The following GBF1 variants were observed in gnomAD, a reference collection of about 807,000 sequenced individuals.
GBF1 encodes the protein Golgi-specific brefeldin A-resistance guanine nucleotide exchange factor 1.
GBF1 carries 114 observed loss-of-function variants against 210.5 expected under a neutral mutation model. The observed-to-expected ratio is 0.54, with a 90% CI of 0.47 to 0.63. The LOEUF (loss-of-function observed/expected upper bound fraction) is 0.63. GBF1 is among the 30% of genes least tolerant of loss of function. The pLI, the probability that GBF1 is intolerant of heterozygous loss-of-function variation, is 0.00. For missense variants in GBF1, 1,851 were observed against 2,357.7 expected, an observed-to-expected ratio of 0.79 and a Z score of 4.45; for synonymous variants, 850 against 889.2, an observed-to-expected ratio of 0.96 and a Z score of 0.78.
At chr10:102,292,757 TATTCC>T (rs2076552256) in intron 3 of GBF1, among the ~76,000 whole-genome samples, 1 of 152,242 alleles carries the variant, frequency 6.6e-6, no homozygotes, top group Non-Finnish European at 1.5e-5. Context: ...AGAGGGATTC[TATTCC>T]ATATGAATGT....
chr10:102,246,503 GATGAGGCTTAATC>G, intron 1 of GBF1, among the ~76,000 whole-genome samples: 1 of 152,202 alleles, frequency 6.6e-6, no homozygotes. Flanking sequence ...TCACTAAGGA[GATGAGGCTTAATC>G]ATAAGGAAAC....
intron 3 of GBF1, among the ~76,000 whole-genome samples, chr10:102,310,413 T>C (rs2078303030): frequency 6.6e-6 from 1 of 152,264 alleles, no homozygotes; most frequent in Admixed American, 6.5e-5. Context: ...ATTTTAGGTC[T>C]GCTACGCCTG....
intron 3 of GBF1, among the ~76,000 whole-genome samples, chr10:102,324,511 G>C (rs2056725144): frequency 6.6e-6 from 1 of 152,192 alleles, no homozygotes; most frequent in Admixed American, 6.5e-5. Flanking sequence ...CATAGACTTT[G>C]GAGTTGGATA....
At chr10:102,300,254 A>C (rs919318298) in intron 3 of GBF1, among the ~76,000 whole-genome samples, 1 of 152,194 alleles carries the variant, frequency 6.6e-6, no homozygotes, top group East Asian at 1.9e-4. Flanking sequence ...AAACTGGTCA[A>C]AGAAGGAGCT....
intron 7 of GBF1, 73 bp downstream of exon 7, chr10:102,352,591 T>C: frequency 9.5e-7 from 1 of 1,056,680 alleles, no homozygotes; most frequent in Non-Finnish European, 1.5e-6. Context: ...CACAGCCACG[T>C]CAGGGACCTG....
chr10:102,252,343 A>C (rs2071657985), intron 1 of GBF1, among the ~76,000 whole-genome samples: 3 of 151,852 alleles, frequency 2.0e-5, no homozygotes, highest in Non-Finnish European at 4.4e-5. Context: ...TGTCTCAAAA[A>C]AAAAAAAAAA....
chr10:102,296,968 C>A (rs1333771215), intron 3 of GBF1, among the ~76,000 whole-genome samples: 1 of 151,802 alleles, frequency 6.6e-6, no homozygotes, highest in Non-Finnish European at 1.5e-5. Context: ...TCGTTTGAAC[C>A]CGGGAGGCAG....
intron 3 of GBF1, among the ~76,000 whole-genome samples, chr10:102,287,352 T>TTTTTTTTTTTTTTTA (rs2076047666): frequency 1.4e-5 from 1 of 69,178 alleles, no homozygotes; most frequent in Non-Finnish European, 4.0e-5. Flanking sequence ...TTCTTTTTTT[T>TTTTTTTTTTTTTTTA]TTTTTTTTTT....
chr10:102,365,457 C>A lies in GBF1; in HGVS notation c.2167C>A (p.Gln723Lys). Reference protein sequence around the residue: ...QKPKKGIQFLQEKGLLTIPMD... With the variant: ...QKPKKGIQFLKEKGLLTIPMD... ...ACCAAAGAAGGGGATTCAGTTTCTG[C>A]AAGAGAAAGGCCTCCTCACCATCCC... is the stretch of plus-strand genomic sequence containing the variant. Residue 723 changes from glutamine to lysine, a missense_variant, in exon 18 of 40, where the codon CAA becomes AAA. Gln to Lys is a moderately conservative substitution (Grantham distance 53). Coordinates refer to ENST00000369983, the MANE Select transcript of GBF1 (RefSeq NM_001377137.1). 1 of 1,614,028 alleles carries A rather than the reference C, an allele frequency of 6.2e-7. No homozygotes were observed. Among genetic ancestry groups the A allele is most frequent in the Non-Finnish European group, 8.5e-7 (1 of 1,179,868 alleles).
At chr10:102,251,214 G>C (rs10883720) in intron 1 of GBF1, among the ~76,000 whole-genome samples, 25,593 of 152,122 alleles carry the variant, frequency 0.17, 2,368 homozygotes, top group East Asian at 0.35. Context: ...GTAAATGTGG[G>C]TTCTTTTTAC....
the GBF1 span, among the ~76,000 whole-genome samples, chr10:102,235,770 C>A: frequency 6.6e-6 from 1 of 152,192 alleles, no homozygotes; most frequent in Non-Finnish European, 1.5e-5. Flanking sequence ...GACTCTGTAT[C>A]CTCCAGTGAA....
intron 29 of GBF1, among the ~76,000 whole-genome samples, chr10:102,371,636 C>T (rs1565176848): frequency 6.6e-6 from 1 of 152,148 alleles, no homozygotes; most frequent in Non-Finnish European, 1.5e-5. Flanking sequence ...TGGAAAGAAT[C>T]ACTCTCTCTG....
chr10:102,287,144 A>G (rs912901653), intron 3 of GBF1, among the ~76,000 whole-genome samples: 6 of 152,100 alleles, frequency 3.9e-5, no homozygotes, highest in African/African-American at 1.4e-4. Flanking sequence ...TGAAATAATG[A>G]TATCAAATGG....
chr10:102,360,261 G>T lies in GBF1; in HGVS notation c.1258G>T (p.Asp420Tyr). The T allele has an allele frequency of 6.2e-7, 1 of 1,613,612 alleles. No homozygotes were observed. The highest frequency in any genetic ancestry group is 8.5e-7 in the Non-Finnish European group (1 of 1,179,710). The change falls in exon 12 of 40, where the codon GAC becomes TAC. Residue 420 changes from aspartate to tyrosine, a missense_variant. Asp to Tyr is a radical substitution (Grantham distance 160, BLOSUM62 -3). Around this residue, in one of 3 missense-constraint regions of GBF1, gnomAD observed 804 missense variants for 958.6 expected, o/e 0.84. Coordinates refer to ENST00000369983, the MANE Select transcript of GBF1 (RefSeq NM_001377137.1). Reference sequence around the variant, plus strand: ...CCTCATCTCCCTCACCAATCCACACGACCGCCATAACTCAGAGGTTATGAT... The same window carrying T: ...CCTCATCTCCCTCACCAATCCACACTACCGCCATAACTCAGAGGTTATGAT... ...RFLISLTNPH[D>Y]RHNSEVMIHM... is the part of the protein sequence containing the mutation.
chr10:102,290,000 A>G (rs932925359), intron 3 of GBF1, among the ~76,000 whole-genome samples: 1 of 151,914 alleles, frequency 6.6e-6, no homozygotes, highest in Non-Finnish European at 1.5e-5. Flanking sequence ...AGTCCCAGCT[A>G]CTCAGGAGGC....
At chr10:102,360,992 AC>A in intron 12 of GBF1, 29 bp from the exon 13 acceptor site, 28 of 1,157,632 alleles carry the variant, frequency 2.4e-5, no homozygotes, top group Non-Finnish European at 3.2e-5. Context: ...AAAAAAAAAA[AC>A]TCATGGCCTA....
the GBF1 span, chr10:102,230,885 C>A: frequency 6.2e-7 from 1 of 1,610,072 alleles, no homozygotes; most frequent in Non-Finnish European, 8.5e-7. Flanking sequence ...GCCAGAGGCC[C>A]CACGTTGACC....
intron 4 of GBF1, among the ~76,000 whole-genome samples, chr10:102,346,662 C>T (rs1266304181): frequency 6.6e-6 from 1 of 152,180 alleles, no homozygotes; most frequent in East Asian, 1.9e-4. Flanking sequence ...CACACGCCAC[C>T]ACACCCAGCT....
intron 1 of GBF1, 22 bp downstream of exon 1, chr10:102,245,803 A>C (rs1392468272): frequency 6.6e-6 from 1 of 152,160 alleles, no homozygotes; most frequent in Non-Finnish European, 1.5e-5. Context: ...CTCTTCCTAG[A>C]GTTCCGGTGT....
Sources: gnomAD v4.1 joint callset for allele counts (sites outside exome capture counted in the v4.1 genomes callset) on GRCh38, gnomAD v4.1.1 for gene constraint, gnomAD v4.1.1 regional missense constraint, MANE v1.5 for transcripts, NCBI Gene and HGNC (gene_info 2026-07-23, HGNC 2026-07-21) for gene names.